The following ZNF44 variants were observed in gnomAD, a reference collection of about 807,000 sequenced individuals.
ZNF44 encodes zinc finger protein 44.
A neutral mutation model predicts 11.7 loss-of-function variants in ZNF44; 9 were observed. The observed-to-expected ratio is 0.77, with a 90% CI of 0.46 to 1.35. The LOEUF is 1.35. Among genes scored for constraint, ZNF44 ranks in the 40% most tolerant of loss-of-function variants. The pLI, the probability that ZNF44 is intolerant of heterozygous loss-of-function variation, is 0.00. For missense variants in ZNF44, 696 were observed against 743.1 expected (o/e 0.94, Z 0.74); for synonymous variants, 224 against 242.7 (o/e 0.92, Z 0.72).
In ZNF44 at chr19:12,273,611, T is replaced by G; in HGVS notation, c.644A>C (p.His215Pro). The change falls in exon 4 of 4, where the codon CAT (histidine) becomes CCT (proline). Residue 215 changes from histidine (H) to proline (P), a missense_variant. His to Pro is a moderately conservative substitution (Grantham distance 77). Transcript: ENST00000355684. ...TTTCTCTCCAGTGTGAGTTCTTTCA[T>G]GCATACGTAATAAACTGGGCCAAAA... ...AFFWPSLLRMHERTHTGEKPY... is the reference protein window; with the variant it reads ...AFFWPSLLRMPERTHTGEKPY... 1 of 1,614,208 alleles carries G rather than the reference T, an allele frequency of 6.2e-7. No homozygotes were observed. Among genetic ancestry groups the G allele is most frequent in the East Asian group, 2.2e-5 (1 of 44,876 alleles).
At chr19:12,260,178 C>G in intron 5 of ZNF44, 1 of 769,792 alleles carries the variant, frequency 1.3e-6, no homozygotes. Flanking sequence ...AGTTTCTGAT[C>G]AAGAGGACTA....
chr19:12,250,570 T>G (rs1187775907), intron 5 of ZNF44, among the ~76,000 whole-genome samples: 1 of 152,262 alleles, frequency 6.6e-6, no homozygotes, highest in Non-Finnish European at 1.5e-5. Context: ...ACTTTCACTG[T>G]GATCACAATC....
At chr19:12,289,094 C>G (rs1967893135) in intron 1 of ZNF44, among the ~76,000 whole-genome samples, 1 of 151,658 alleles carries the variant, frequency 6.6e-6, no homozygotes, top group Admixed American at 6.6e-5. Context: ...CTCTTGAGCC[C>G]AGGAGTTCAA....
In ZNF44 at chr19:12,255,091, AACACAC is replaced by A. The variant is rs140940065; in HGVS notation, c.1913-4729_1913-4724del. ...GTGACAGAGTGAGACTCCGTCTCAA[AACACAC>A]ACACACACACACACACACACACACA... On this transcript the variant is annotated intron_variant and NMD_transcript_variant, in intron 5 of 7. Coordinates refer to the ZNF44 transcript ENST00000393337. 7.5e-3 allele frequency among the ~76,000 whole-genome samples: 1,089 copies of A among 145,684 alleles called. 9 individuals are homozygous for A. The highest frequency in any genetic ancestry group is 0.021 in the Middle Eastern group (6 of 284).
intron 1 of ZNF44, among the ~76,000 whole-genome samples, chr19:12,290,025 G>A (rs989483724): frequency 1.3e-5 from 2 of 152,104 alleles, no homozygotes; most frequent in African/African-American, 2.4e-5. Flanking sequence ...CTCAGACATG[G>A]CATCACCCCA....
chr19:12,279,864 T>TAAAAAAA (rs60621062), intron 1 of ZNF44, among the ~76,000 whole-genome samples: 1 of 121,306 alleles, frequency 8.2e-6, no homozygotes, highest in Non-Finnish European at 1.7e-5. Context: ...TGGTCTGAGT[T>TAAAAAAA]AAAAAAAAAA....
At chr19:12,240,663 A>AT (rs1043927777), upstream of ZNF44, among the ~76,000 whole-genome samples, 1 of 152,168 alleles carries the variant, frequency 6.6e-6, no homozygotes, top group South Asian at 2.1e-4. Context: ...TGGTCAAATG[A>AT]TTTTTTGACA....
intron 1 of ZNF44, among the ~76,000 whole-genome samples, chr19:12,278,211 T>C (rs1967313963): frequency 6.6e-6 from 1 of 152,224 alleles, no homozygotes; most frequent in South Asian, 2.1e-4. Context: ...GCATGGGCCA[T>C]CTGTGCCTTA....
downstream of ZNF44, chr19:12,247,410 CTG>C: frequency 3.0e-6 from 4 of 1,314,952 alleles, no homozygotes; most frequent in Non-Finnish European, 4.0e-6. Context: ...TGTAAGGAAA[CTG>C]AAGGGTTTTC....
At chr19:12,290,479 G>C (rs1331607191) in intron 1 of ZNF44, among the ~76,000 whole-genome samples, 1 of 148,908 alleles carries the variant, frequency 6.7e-6, no homozygotes, top group African/African-American at 2.5e-5. Flanking sequence ...AAGGCCGGTG[G>C]ATCACAAGGT....
chr19:12,245,515 G>C (rs1373500589), downstream of ZNF44, among the ~76,000 whole-genome samples: 1 of 152,204 alleles, frequency 6.6e-6, no homozygotes, highest in Non-Finnish European at 1.5e-5. Flanking sequence ...GACTGTGTCA[G>C]AGCAGTTACT....
chr19:12,256,037 C>CAAAAAAAAAAAAAAAAAAAAAA (rs74180061), intron 5 of ZNF44, among the ~76,000 whole-genome samples: 1 of 39,656 alleles, frequency 2.5e-5, no homozygotes, highest in Non-Finnish European at 5.7e-5. Flanking sequence ...AACTCTGTCT[C>CAAAAAAAAAAAAAAAAAAAAAA]AAAAAAAAAA....
exon 8 of ZNF44, chr19:12,248,481 A>T (rs1020544082): frequency 7.7e-7 from 1 of 1,290,890 alleles, no homozygotes; most frequent in African/African-American, 1.5e-5. Context: ...ACACTTATAC[A>T]GTTTGTGTCT....
intron 5 of ZNF44, among the ~76,000 whole-genome samples, chr19:12,259,703 G>A (rs917586646): frequency 6.6e-6 from 1 of 152,088 alleles, no homozygotes; most frequent in Non-Finnish European, 1.5e-5. Flanking sequence ...CCTCCCCTAC[G>A]GCAATGGTTG....
chr19:12,290,052 G>A (rs1271521688), intron 1 of ZNF44, among the ~76,000 whole-genome samples: 1 of 152,128 alleles, frequency 6.6e-6, no homozygotes, highest in Non-Finnish European at 1.5e-5. Flanking sequence ...TCTGCCTGTG[G>A]ATCCCCAGAT....
intron 1 of ZNF44, among the ~76,000 whole-genome samples, chr19:12,288,771 A>AATATATATATAT: frequency 5.2e-5 from 2 of 38,370 alleles, no homozygotes; most frequent in African/African-American, 1.7e-4. Context: ...AAAAAAAAAA[A>AATATATATATAT]ATGTATATAT....
intron 1 of ZNF44, among the ~76,000 whole-genome samples, chr19:12,289,214 G>T (rs972053882): frequency 3.9e-5 from 6 of 151,996 alleles, no homozygotes; most frequent in Non-Finnish European, 5.9e-5. Flanking sequence ...GGCTGAGATG[G>T]GACAATCCCC....
upstream of ZNF44, among the ~76,000 whole-genome samples, chr19:12,239,235 C>T (rs1211691309): frequency 6.6e-6 from 1 of 151,800 alleles, no homozygotes; most frequent in Non-Finnish European, 1.5e-5. Flanking sequence ...GCCTCAGCCT[C>T]CCCGAGCAGC....
chr19:12,250,465 T>C lies in ZNF44; in HGVS notation c.1913-97A>G, dbSNP rs948746752. ...TAAGATGTTCACGATGATTCTGTGA[T>C]CTCCAGAGATTTATTCTATGAATTT... On this transcript the variant is annotated intron_variant and NMD_transcript_variant, in intron 5 of 7. Coordinates refer to the ZNF44 transcript ENST00000393337. The C allele has an allele frequency of 4.8e-6, 5 of 1,046,658 alleles. No individual in the cohort carries two copies. In the African/African-American group the frequency reaches 8.3e-5, roughly 17 times the overall value. The allele number at this position is 1,046,658 out of a possible 1,614,324, so 64.8% of individuals were successfully genotyped here.
Sources: gnomAD v4.1 joint callset for allele counts (sites outside exome capture counted in the v4.1 genomes callset) on GRCh38, gnomAD v4.1.1 for gene constraint, MANE v1.5 for transcripts, NCBI Gene and HGNC (gene_info 2026-07-23, HGNC 2026-07-21) for gene names.